Variants in STMN2 observed in about 807,000 individuals in gnomAD.
STMN2 encodes the protein stathmin-2.
A neutral mutation model predicts 24.1 loss-of-function variants in STMN2; 2 were observed. That is an observed-to-expected ratio of 0.08 (90% confidence interval 0.03 to 0.26). The LOEUF (loss-of-function observed/expected upper bound fraction) is 0.26. STMN2 is among the 10% of genes least tolerant of loss of function. The probability of loss-of-function intolerance (pLI) is 1.00; values close to 1 mark genes in which losing one functional copy is unlikely to be tolerated. For synonymous variants in STMN2, 83 were observed against 77.5 expected, an observed-to-expected ratio of 1.07 and a Z score of -0.37; for missense variants, 114 against 213.6, an observed-to-expected ratio of 0.53 and a Z score of 2.91.
intron 1 of STMN2, among the ~76,000 whole-genome samples, chr8:79,615,113 A>G (rs1809353522): frequency 6.6e-6 from 1 of 152,264 alleles, no homozygotes; most frequent in Non-Finnish European, 1.5e-5. Context: ...ATCAAACAGA[A>G]TTTTAAAGTT....
At chr8:79,611,722 G>A in intron 1 of STMN2, 2 of 982,252 alleles carry the variant, frequency 2.0e-6, no homozygotes, top group East Asian at 1.1e-4. Flanking sequence ...AGGGGATGGA[G>A]AGAACTGGGC....
At chr8:79,613,338 G>T in intron 1 of STMN2, 1 of 971,796 alleles carries the variant, frequency 1.0e-6, no homozygotes, top group South Asian at 4.8e-5. Flanking sequence ...TGTGTGGAGC[G>T]CAGCCAGCCC....
intron 2 of STMN2, among the ~76,000 whole-genome samples, chr8:79,640,422 G>A (rs1033983138): frequency 4.7e-5 from 7 of 148,468 alleles, no homozygotes. Context: ...GTTCACCCAT[G>A]TTGTCAAAAA....
chr8:79,616,891 G>A (rs552819092), intron 1 of STMN2, among the ~76,000 whole-genome samples: 10 of 152,232 alleles, frequency 6.6e-5, no homozygotes, highest in South Asian at 4.1e-4. Flanking sequence ...GCATGTGTGC[G>A]TGTGTGCGAG....
At chr8:79,659,580 A>G (rs1806457325) in intron 4 of STMN2, among the ~76,000 whole-genome samples, 1 of 152,216 alleles carries the variant, frequency 6.6e-6, no homozygotes, top group Admixed American at 6.5e-5. Flanking sequence ...CCAATCAAGA[A>G]TTGCAGTGAG....
At chr8:79,661,665 A>G (rs1563450371) in intron 4 of STMN2, among the ~76,000 whole-genome samples, 1 of 152,110 alleles carries the variant, frequency 6.6e-6, no homozygotes, top group Non-Finnish European at 1.5e-5. Context: ...CTAAAAGAAA[A>G]TACTGTGATT....
intron 4 of STMN2, 38 bp from the exon 5 acceptor site, chr8:79,664,777 G>A (rs1267590731): frequency 6.2e-7 from 1 of 1,606,780 alleles, no homozygotes; most frequent in Admixed American, 1.7e-5. Flanking sequence ...CAGACAAAAA[G>A]GGCCTGTGAC....
At chr8:79,641,645 C>CAT (rs1810101615) in intron 3 of STMN2, 95 bp downstream of exon 3, 1 of 758,080 alleles carries the variant, frequency 1.3e-6, no homozygotes, top group South Asian at 1.9e-5. Flanking sequence ...CACACACACA[C>CAT]ACACACACAC....
chr8:79,633,476 A>G (rs1261239039), intron 1 of STMN2, among the ~76,000 whole-genome samples: 1 of 152,230 alleles, frequency 6.6e-6, no homozygotes, highest in Non-Finnish European at 1.5e-5. Context: ...ACAAAGTACC[A>G]TAGACTAGGT....
At chr8:79,652,499 C>T (rs1044066718) in intron 3 of STMN2, among the ~76,000 whole-genome samples, 5 of 152,080 alleles carry the variant, frequency 3.3e-5, no homozygotes, top group Admixed American at 2.0e-4. Context: ...CCATCAGGAT[C>T]CCTGAATCCA....
intron 1 of STMN2, chr8:79,621,001 A>G (rs1226983073): frequency 5.1e-6 from 5 of 985,090 alleles, no homozygotes; most frequent in Non-Finnish European, 6.0e-6. Context: ...CCAGGACAGC[A>G]TGTGAGTTAC....
intron 3 of STMN2, among the ~76,000 whole-genome samples, chr8:79,649,206 G>T (rs1290719852): frequency 6.6e-6 from 1 of 152,010 alleles, no homozygotes; most frequent in Non-Finnish European, 1.5e-5. Context: ...ATGAAACAAA[G>T]TACTGGATTA....
intron 1 of STMN2, among the ~76,000 whole-genome samples, chr8:79,631,776 A>C (rs976244860): frequency 2.6e-5 from 4 of 152,212 alleles, no homozygotes; most frequent in Non-Finnish European, 4.4e-5. Context: ...TCTGACCTTG[A>C]GTTATAGTGC....
At chr8:79,645,549 C>T (rs1348393642) in intron 3 of STMN2, among the ~76,000 whole-genome samples, 1 of 152,138 alleles carries the variant, frequency 6.6e-6, no homozygotes, top group East Asian at 1.9e-4. Flanking sequence ...TATTCAGATT[C>T]AAATTTACTT....
At chr8:79,632,817 G>C (rs2130337861) in intron 1 of STMN2, among the ~76,000 whole-genome samples, 1 of 152,224 alleles carries the variant, frequency 6.6e-6, no homozygotes, top group South Asian at 2.1e-4. Flanking sequence ...TTATGATACT[G>C]CACTATCAAT....
intron 1 of STMN2, 94 bp from the exon 2 acceptor site, chr8:79,636,708 T>C: frequency 8.7e-7 from 1 of 1,152,644 alleles, no homozygotes; most frequent in Non-Finnish European, 1.3e-6. Flanking sequence ...ATATTCACTC[T>C]GCAGGAGGCA....
rs774950808 is a variant in STMN2 at position 79,611,163 on chromosome 8, T to C, written c.-33T>C. ...CGCTGCTGTAGCCGGACCCTTTGCC[T>C]TCGCCACTGCTCAGCGTCTGCACAT... On this transcript the variant is annotated 5_prime_UTR_variant, in exon 1 of 5. Coordinates refer to ENST00000220876, the MANE Select transcript of STMN2 (RefSeq NM_007029.4). 1.2e-6 allele frequency: 2 copies of C among 1,613,980 alleles called. No individual in the cohort carries two copies. The highest frequency in any genetic ancestry group is 1.1e-5 in the South Asian group (1 of 91,052).
intron 1 of STMN2, chr8:79,613,438 G>A (rs1809298435): frequency 1.0e-6 from 1 of 985,366 alleles, no homozygotes. Flanking sequence ...TTTCTGCGCA[G>A]TGTCCTGAGC....
chr8:79,660,117 G>T (rs1224241584), intron 4 of STMN2, among the ~76,000 whole-genome samples: 1 of 152,158 alleles, frequency 6.6e-6, no homozygotes, highest in African/African-American at 2.4e-5. Flanking sequence ...AAAGTATGTG[G>T]CAATATTAGG....
Sources: allele counts gnomAD v4.1 joint callset (sites outside exome capture counted in the v4.1 genomes callset), GRCh38; gene constraint gnomAD v4.1.1; transcripts MANE v1.5; gene names NCBI Gene and HGNC (gene_info 2026-07-23, HGNC 2026-07-21).